Variants in RAD51B observed in about 807,000 individuals in gnomAD.
RAD51B encodes the protein RAD51 paralog B.
Under a neutral mutation model 42.2 loss-of-function variants are expected in RAD51B, and 38 were observed. That is an observed-to-expected ratio of 0.90 (90% CI 0.70 to 1.18). The LOEUF (loss-of-function observed/expected upper bound fraction) is 1.18, where lower values mean the gene tolerates loss of function less well. Among genes scored for constraint, RAD51B ranks in the 50% most tolerant of loss-of-function variants. The pLI, the probability that RAD51B is intolerant of heterozygous loss-of-function variation, is 0.00. For missense variants in RAD51B, 373 were observed against 400.7 expected (o/e 0.93, Z 0.59); for synonymous variants, 154 against 145.2 (o/e 1.06, Z -0.43).
intron 4 of RAD51B, chr14:67,843,435 G>A (rs1321186878): frequency 6.6e-6 from 1 of 152,090 alleles, no homozygotes; most frequent in South Asian, 2.1e-4. Context: ...AATGGTATAA[G>A]TGCTTCTTTG....
At chr14:68,465,163 C>T (rs987718722) in intron 9 of RAD51B, among the ~76,000 whole-genome samples, 16 of 152,172 alleles carry the variant, frequency 1.1e-4, no homozygotes, top group South Asian at 2.1e-4. Flanking sequence ...TTGCTATTTA[C>T]ACCCTTTTGG....
chr14:68,183,046 G>A (rs532640384), intron 7 of RAD51B, among the ~76,000 whole-genome samples: 2 of 152,112 alleles, frequency 1.3e-5, no homozygotes, highest in Admixed American at 6.6e-5. Context: ...GACTTAATTT[G>A]TTCTCATCTT....
chr14:67,931,799 G>A (rs745614552), intron 7 of RAD51B, among the ~76,000 whole-genome samples: 1 of 152,034 alleles, frequency 6.6e-6, no homozygotes, highest in South Asian at 2.1e-4. Flanking sequence ...CACAGTGCCC[G>A]GCCCAGCATT....
At chr14:68,234,229 A>C (rs1265114679) in intron 7 of RAD51B, among the ~76,000 whole-genome samples, 3 of 152,224 alleles carry the variant, frequency 2.0e-5, no homozygotes, top group African/African-American at 4.8e-5. Context: ...TGCCTTCAAC[A>C]AGAAATTCAG....
chr14:68,387,577 A>G (rs959104540), intron 8 of RAD51B, among the ~76,000 whole-genome samples: 4 of 152,188 alleles, frequency 2.6e-5, no homozygotes, highest in Non-Finnish European at 4.4e-5. Flanking sequence ...GTCTCTTTTT[A>G]TTGCATGTGA....
chr14:67,892,179 C>G (rs1442976338), intron 7 of RAD51B, among the ~76,000 whole-genome samples: 2 of 152,146 alleles, frequency 1.3e-5, no homozygotes, highest in African/African-American at 4.8e-5. Context: ...TTGGCTCACT[C>G]ACATTTGAAA....
chr14:68,049,834 G>T (rs2076364063), intron 7 of RAD51B, among the ~76,000 whole-genome samples: 1 of 151,990 alleles, frequency 6.6e-6, no homozygotes, highest in Admixed American at 6.6e-5. Flanking sequence ...TCATTCCTCT[G>T]CTCCAAGAAG....
chr14:68,305,348 T>C (rs982976978), intron 8 of RAD51B, among the ~76,000 whole-genome samples: 2 of 152,232 alleles, frequency 1.3e-5, no homozygotes, highest in Non-Finnish European at 2.9e-5. Context: ...AGGCTTGGCC[T>C]CTCCCCTCTC....
chr14:67,943,889 GAGATAT>G (rs953149248), intron 7 of RAD51B, among the ~76,000 whole-genome samples: 12 of 152,178 alleles, frequency 7.9e-5, no homozygotes, highest in African/African-American at 1.7e-4. Context: ...CATGTGGGTG[GAGATAT>G]AGATATAGAT....
chr14:68,415,188 T>G (rs1392432174), intron 9 of RAD51B, among the ~76,000 whole-genome samples: 1 of 152,110 alleles, frequency 6.6e-6, no homozygotes, highest in Non-Finnish European at 1.5e-5. Context: ...GTTTATTTTA[T>G]TTGTAAAGCT....
At chr14:67,897,079 T>C (rs999448005) in intron 7 of RAD51B, among the ~76,000 whole-genome samples, 4 of 152,094 alleles carry the variant, frequency 2.6e-5, no homozygotes, top group Admixed American at 2.0e-4. Flanking sequence ...TTTTATACCA[T>C]ACACAAAAAA....
chr14:67,988,517 A>G (rs185414526), intron 7 of RAD51B, among the ~76,000 whole-genome samples: 3 of 152,106 alleles, frequency 2.0e-5, no homozygotes, highest in South Asian at 2.1e-4. Context: ...GAAAAACAAC[A>G]TCTTGTCTAT....
intron 8 of RAD51B, among the ~76,000 whole-genome samples, chr14:68,330,557 A>G (rs1009545452): frequency 1.3e-5 from 2 of 152,194 alleles, no homozygotes; most frequent in Admixed American, 6.5e-5. Flanking sequence ...CACTTGCTGT[A>G]TGTCTTAAAA....
intron 7 of RAD51B, among the ~76,000 whole-genome samples, chr14:68,054,755 G>C (rs190222561): frequency 6.6e-6 from 1 of 152,084 alleles, no homozygotes; most frequent in Non-Finnish European, 1.5e-5. Flanking sequence ...TTAGTTTTTC[G>C]TTCTCTCTTC....
At chr14:68,488,340 C>T (rs565692128) in intron 10 of RAD51B, among the ~76,000 whole-genome samples, 3 of 151,694 alleles carry the variant, frequency 2.0e-5, no homozygotes, top group East Asian at 1.9e-4. Context: ...GAGAGCCTAC[C>T]GTATATAAAG....
chr14:68,473,694 T>C (rs1490750050), intron 10 of RAD51B, among the ~76,000 whole-genome samples: 1 of 152,194 alleles, frequency 6.6e-6, no homozygotes, highest in Non-Finnish European at 1.5e-5. Context: ...ACTAAAATTT[T>C]GTCCCATTTG....
At chr14:68,668,476 A>G (rs1349625038) in intron 11 of RAD51B, among the ~76,000 whole-genome samples, 2 of 152,224 alleles carry the variant, frequency 1.3e-5, no homozygotes, top group Admixed American at 1.3e-4. Flanking sequence ...GGCCAAACGG[A>G]TGTGGACAGA....
At chr14:67,972,578 T>C (rs886459750) in intron 7 of RAD51B, among the ~76,000 whole-genome samples, 1 of 152,154 alleles carries the variant, frequency 6.6e-6, no homozygotes, top group African/African-American at 2.4e-5. Context: ...TATTTAATAC[T>C]GGCAAGAATT....
intron 10 of RAD51B, among the ~76,000 whole-genome samples, chr14:68,638,342 T>A (rs1254728540): frequency 6.6e-6 from 1 of 152,182 alleles, no homozygotes; most frequent in Non-Finnish European, 1.5e-5. Flanking sequence ...TTGATGTCCC[T>A]GCTAGCCTAA....
Sources: gnomAD v4.1 joint callset for allele counts (sites outside exome capture counted in the v4.1 genomes callset) on GRCh38, gnomAD v4.1.1 for gene constraint, MANE v1.5 for transcripts, NCBI Gene and HGNC (gene_info 2026-07-23, HGNC 2026-07-21) for gene names.